SDHB: variants seen among roughly 807,000 people sequenced by gnomAD.
SDHB encodes the protein succinate dehydrogenase complex iron sulfur subunit B.
SDHB carries 21 observed loss-of-function variants against 39.7 expected under a neutral mutation model. That is an observed-to-expected ratio of 0.53 (90% CI 0.37 to 0.76). The LOEUF is 0.76. Ranked by LOEUF, SDHB falls within the 30% of genes least tolerant of loss-of-function variation. The pLI is 0.00. For missense variants in SDHB, 343 were observed against 350.9 expected (o/e 0.98, Z 0.18); for synonymous variants, 118 against 117.0 (o/e 1.01, Z -0.06).
intron 2 of SDHB, among the ~76,000 whole-genome samples, chr1:17,041,680 A>C (rs1345128927): frequency 6.6e-6 from 1 of 152,196 alleles, no homozygotes; most frequent in African/African-American, 2.4e-5. Flanking sequence ...AAAATAAAAA[A>C]GAAAAAAAAG....
chr1:17,025,347 C>T (rs556838056), intron 5 of SDHB, among the ~76,000 whole-genome samples: 31 of 147,870 alleles, frequency 2.1e-4, no homozygotes, highest in Admixed American at 1.9e-3. Flanking sequence ...ATGTAATAAA[C>T]AAAAAACAAA....
intron 3 of SDHB, among the ~76,000 whole-genome samples, chr1:17,031,192 T>G (rs2078021243): frequency 6.6e-6 from 1 of 152,012 alleles, no homozygotes; most frequent in African/African-American, 2.4e-5. Flanking sequence ...AAGCAAATAC[T>G]CCTAGAGTTC....
intron 2 of SDHB, among the ~76,000 whole-genome samples, chr1:17,041,630 C>T (rs1437903285): frequency 1.3e-5 from 2 of 151,790 alleles, no homozygotes; most frequent in East Asian, 1.9e-4. Context: ...CCACTGTACT[C>T]CAGTCCAGGT....
intron 4 of SDHB, among the ~76,000 whole-genome samples, chr1:17,028,297 TCAAA>T (rs2078002793): frequency 6.6e-6 from 1 of 152,218 alleles, no homozygotes; most frequent in African/African-American, 2.4e-5. Flanking sequence ...CCCATTATTC[TCAAA>T]CAAACCTCAC....
At chr1:17,034,328 T>C (rs1246074123) in intron 2 of SDHB, among the ~76,000 whole-genome samples, 1 of 151,954 alleles carries the variant, frequency 6.6e-6, no homozygotes, top group Non-Finnish European at 1.5e-5. Context: ...TTGTATTTTT[T>C]TGTAGAGGTG....
chr1:17,051,777 T>C (rs59413250), intron 1 of SDHB, among the ~76,000 whole-genome samples: 2,392 of 152,164 alleles, frequency 0.016, 49 homozygotes, highest in African/African-American at 0.054. Flanking sequence ...GTCTTTGTAT[T>C]ATTCTGATTT....
intron 1 of SDHB, among the ~76,000 whole-genome samples, chr1:17,050,799 A>G (rs981998327): frequency 6.6e-6 from 1 of 152,226 alleles, no homozygotes; most frequent in Non-Finnish European, 1.5e-5. Context: ...AGGTCTGTAC[A>G]AAGAGTTAAT....
intron 2 of SDHB, among the ~76,000 whole-genome samples, chr1:17,036,169 T>C (rs1353606008): frequency 6.6e-6 from 1 of 152,218 alleles, no homozygotes; most frequent in Admixed American, 6.6e-5. Context: ...GCAATGAATC[T>C]GGAAATCAAT....
chr1:17,030,715 T>C (rs993915861), intron 3 of SDHB, among the ~76,000 whole-genome samples: 2 of 151,818 alleles, frequency 1.3e-5, no homozygotes, highest in Non-Finnish European at 2.9e-5. Flanking sequence ...GGAGTCTTGC[T>C]CTGTCGCCCA....
At chr1:17,038,249 A>C (rs1440399602) in intron 2 of SDHB, among the ~76,000 whole-genome samples, 1 of 152,196 alleles carries the variant, frequency 6.6e-6, no homozygotes, top group African/African-American at 2.4e-5. Flanking sequence ...TCTATGAGAG[A>C]CAGTTTTACT....
At chr1:17,031,358 T>TA (rs530171828) in intron 3 of SDHB, among the ~76,000 whole-genome samples, 26 of 149,740 alleles carry the variant, frequency 1.7e-4, no homozygotes, top group African/African-American at 3.9e-4. Context: ...AGATGGGAAT[T>TA]AAAAAAAAAA....
intron 2 of SDHB, 96 bp downstream of exon 2, chr1:17,044,665 T>A (rs1047811557): frequency 1.9e-5 from 26 of 1,394,056 alleles, no homozygotes; most frequent in Non-Finnish European, 2.4e-5. Context: ...CATCGGATGA[T>A]CTCAGATTTT....
At chr1:17,029,109 T>TG (rs2078009096) in intron 3 of SDHB, among the ~76,000 whole-genome samples, 1 of 145,046 alleles carries the variant, frequency 6.9e-6, no homozygotes, top group Admixed American at 6.9e-5. Flanking sequence ...TTTTTTTTTT[T>TG]TTTTTTTTTT....
intron 6 of SDHB, among the ~76,000 whole-genome samples, chr1:17,023,665 CTA>C (rs1292643567): frequency 1.3e-5 from 2 of 152,196 alleles, no homozygotes; most frequent in African/African-American, 4.8e-5. Flanking sequence ...GTTACAAATC[CTA>C]TGAGAGGGAG....
chr1:17,043,595 G>A (rs1409343015), intron 2 of SDHB, among the ~76,000 whole-genome samples: 2 of 152,168 alleles, frequency 1.3e-5, no homozygotes, highest in Non-Finnish European at 2.9e-5. Context: ...GGCGTGGAGT[G>A]GAGCAGCAGG....
intron 2 of SDHB, among the ~76,000 whole-genome samples, chr1:17,042,951 T>C (rs979876424): frequency 3.0e-5 from 4 of 133,124 alleles, no homozygotes; most frequent in Non-Finnish European, 6.3e-5. Flanking sequence ...TTTTGTTTTA[T>C]GAGTTTTTTT....
At chr1:17,051,256 C>T (rs755441315) in intron 1 of SDHB, among the ~76,000 whole-genome samples, 16 of 152,260 alleles carry the variant, frequency 1.1e-4, no homozygotes, top group Non-Finnish European at 2.2e-4. Context: ...AATCTAAAGA[C>T]TAATGAGTAT....
rs34261028 is a variant in SDHB, at chr1:17,027,878, G to GGAA, written c.424-16_424-14dup. The GGAA allele has an allele frequency of 8.0e-4, 1,102 of 1,377,890 alleles. 1 individual carries two copies. The highest frequency in any genetic ancestry group is 2.3e-3 in the Middle Eastern group (13 of 5,556). 85.4% of individuals were successfully genotyped at this position (1,377,890 alleles called of 1,614,324 possible). ...AGTTGCTCAAATCCTGTGGTTAAGA[G>GGAA]GAAGAAGAAGAAGAAGAAGAAGAAA... is the stretch of plus-strand genomic sequence containing the variant. On this transcript the variant is annotated splice_polypyrimidine_tract_variant and intron_variant, in intron 4 of 7. Transcript: ENST00000375499.
intron 2 of SDHB, among the ~76,000 whole-genome samples, chr1:17,042,227 A>G (rs2078084302): frequency 6.6e-6 from 1 of 152,192 alleles, no homozygotes; most frequent in Non-Finnish European, 1.5e-5. Flanking sequence ...GTTACTTCCC[A>G]TACCAACTTG....
Sources: allele counts gnomAD v4.1 joint callset (sites outside exome capture counted in the v4.1 genomes callset), GRCh38; gene constraint gnomAD v4.1.1; transcripts MANE v1.5; gene names NCBI Gene and HGNC (gene_info 2026-07-23, HGNC 2026-07-21).